L2HGDH: variants seen among roughly 807,000 people sequenced by gnomAD.
The protein encoded by L2HGDH is L-2-hydroxyglutarate dehydrogenase, mitochondrial.
In L2HGDH, 34 loss-of-function variants were observed where a neutral mutation model predicts 51.5. The ratio of observed to expected loss-of-function variants is 0.66; its 90% CI spans 0.50 to 0.88. L2HGDH has a LOEUF of 0.88. Among genes scored for constraint, L2HGDH ranks in the 40% least tolerant of loss-of-function variants. The pLI is 0.00. For synonymous variants in L2HGDH, 198 were observed against 197.9 expected (o/e 1.00, Z -0.01); for missense variants, 558 against 571.9 (o/e 0.98, Z 0.25).
At chr14:50,291,539 C>T (rs866379896) in intron 4 of L2HGDH, among the ~76,000 whole-genome samples, 6 of 152,102 alleles carry the variant, frequency 3.9e-5, no homozygotes, top group African/African-American at 1.2e-4. Context: ...TTGCTGGAGA[C>T]GAAGATGCTA....
chr14:50,295,928 G>A (rs1350177975), intron 3 of L2HGDH, among the ~76,000 whole-genome samples: 1 of 149,954 alleles, frequency 6.7e-6, no homozygotes, highest in Non-Finnish European at 1.5e-5. Flanking sequence ...CAGTAGAAAT[G>A]GGGTTTCACC....
chr14:50,278,555 C>A lies in L2HGDH; in HGVS notation c.704-1G>T. ...TTTATAACAATTGGATATTGCATTC[C>A]TGAAAAAAAAGAATAAGTGAAAAAT... On this transcript the variant is annotated splice_acceptor_variant, in intron 5 of 9. Coordinates refer to ENST00000267436, the MANE Select transcript of L2HGDH (RefSeq NM_024884.3). LOFTEE classifies it high-confidence loss of function. The A allele has an allele frequency of 7.1e-7, 1 of 1,416,320 alleles. No homozygotes were observed. Among genetic ancestry groups the A allele is most frequent in the Non-Finnish European group, 9.9e-7 (1 of 1,013,932 alleles). 87.7% of individuals were successfully genotyped at this position (1,416,320 alleles called of 1,614,324 possible). A position where few individuals can be genotyped will look rare whatever the true frequency, so the allele number is the denominator to read the frequency against.
intron 8 of L2HGDH, 132 bp downstream of exon 8, chr14:50,267,621 A>C: frequency 2.8e-6 from 2 of 705,254 alleles, no homozygotes; most frequent in Non-Finnish European, 4.8e-6. Context: ...TTTAATTTGG[A>C]TTAATACAAC....
rs183896286 is a variant in L2HGDH at position 50,271,545 on chromosome 14, A to G, written c.739-2215T>C. Among the ~76,000 whole-genome samples the G allele has an allele frequency of 2.0e-3, 302 of 152,366 alleles. 2 individuals are homozygous for G. The highest frequency in any genetic ancestry group is 6.9e-3 in the African/African-American group (289 of 41,598). On this transcript the variant is annotated intron_variant, in intron 6 of 9. Coordinates refer to ENST00000267436, the MANE Select transcript of L2HGDH (RefSeq NM_024884.3). The stretch of plus-strand genomic sequence containing the variant: ...CCATCAAATGATACATTAGTTCAAC[A>G]AAAATTTCTTTTAGGCTTGGCACGG...
chr14:50,290,078 A>ATTT (rs1192492401), intron 4 of L2HGDH, among the ~76,000 whole-genome samples: 4 of 152,256 alleles, frequency 2.6e-5, no homozygotes, highest in Admixed American at 6.5e-5. Flanking sequence ...ATCCTGGCTA[A>ATTT]CAAGGTGAAA....
chr14:50,289,151 T>C (rs1188014664), intron 4 of L2HGDH, among the ~76,000 whole-genome samples: 1 of 152,210 alleles, frequency 6.6e-6, no homozygotes, highest in East Asian at 1.9e-4. Context: ...TAGCATTTTT[T>C]TTCCTTGAAG....
At chr14:50,311,063 C>G (rs1190502756) in intron 1 of L2HGDH, among the ~76,000 whole-genome samples, 2 of 150,598 alleles carry the variant, frequency 1.3e-5, no homozygotes, top group African/African-American at 4.9e-5. Flanking sequence ...CCTAAGGCTC[C>G]GGAGTAGTTG....
In L2HGDH at chr14:50,312,006, C is replaced by T; in HGVS notation, c.140+5G>A. On this transcript the variant is annotated splice_donor_5th_base_variant and intron_variant, in intron 1 of 9. Coordinates refer to ENST00000267436, the MANE Select transcript of L2HGDH (RefSeq NM_024884.3). The stretch of plus-strand genomic sequence containing the variant: ...AGGCGGCGGGGAGGACCAGCGGCCA[C>T]TCACCTGGTGCTGGCGCTGCGGCTA... The T allele has an allele frequency of 3.2e-6, 5 of 1,560,080 alleles. No individual in the cohort carries two copies. The highest frequency in any genetic ancestry group is 4.3e-6 in the Non-Finnish European group (5 of 1,154,934).
chr14:50,309,323 G>C (rs1433437047), intron 1 of L2HGDH, among the ~76,000 whole-genome samples: 1 of 152,194 alleles, frequency 6.6e-6, no homozygotes, highest in Non-Finnish European at 1.5e-5. Context: ...AATACTTTGG[G>C]AGGCTGAGGC....
chr14:50,258,886 G>T (rs1888828652), intron 9 of L2HGDH, among the ~76,000 whole-genome samples: 1 of 151,624 alleles, frequency 6.6e-6, no homozygotes, highest in Admixed American at 6.6e-5. Flanking sequence ...CTGTTGTCCA[G>T]ACTGGAGTGC....
chr14:50,262,416 G>A (rs537806977), intron 9 of L2HGDH, among the ~76,000 whole-genome samples: 15 of 137,282 alleles, frequency 1.1e-4, no homozygotes, highest in African/African-American at 3.8e-4. Context: ...GCAACAGACC[G>A]AGACTCTGTC....
intron 8 of L2HGDH, among the ~76,000 whole-genome samples, chr14:50,266,469 C>T (rs1459299132): frequency 1.3e-5 from 2 of 151,986 alleles, no homozygotes; most frequent in African/African-American, 4.8e-5. Context: ...ATGGCGAAAC[C>T]CTGTCTCTAC....
intron 1 of L2HGDH, among the ~76,000 whole-genome samples, chr14:50,310,300 G>A (rs912109456): frequency 6.6e-6 from 1 of 151,876 alleles, no homozygotes; most frequent in Non-Finnish European, 1.5e-5. Context: ...AAACTTCTGG[G>A]CTCAAGTGAT....
intron 4 of L2HGDH, among the ~76,000 whole-genome samples, chr14:50,290,262 G>A (rs541439790): frequency 4.7e-4 from 71 of 151,376 alleles, no homozygotes; most frequent in Middle Eastern, 6.8e-3. Flanking sequence ...GTGAGACTCC[G>A]TCTCATAAAA....
At chr14:50,302,233 G>A (rs1339786027) in intron 2 of L2HGDH, 65 bp from the exon 3 acceptor site, 1 of 1,541,482 alleles carries the variant, frequency 6.5e-7, no homozygotes, top group East Asian at 2.2e-5. Context: ...AGAGGTAAGA[G>A]AACAAACTTA....
intron 4 of L2HGDH, among the ~76,000 whole-genome samples, chr14:50,288,847 T>C (rs1324333220): frequency 6.6e-6 from 1 of 152,250 alleles, no homozygotes; most frequent in Non-Finnish European, 1.5e-5. Flanking sequence ...GGTCAGCTCA[T>C]CAGAGTGCCT....
At chr14:50,302,256 T>C (rs1566539229) in intron 2 of L2HGDH, 88 bp from the exon 3 acceptor site, 5 of 1,353,754 alleles carry the variant, frequency 3.7e-6, no homozygotes, top group Non-Finnish European at 4.2e-6. Context: ...GTTGAAGCTA[T>C]TAGAGACCAC....
At chr14:50,290,584 G>A (rs781420359) in intron 4 of L2HGDH, among the ~76,000 whole-genome samples, 31 of 152,248 alleles carry the variant, frequency 2.0e-4, no homozygotes, top group Non-Finnish European at 3.7e-4. Flanking sequence ...GCTGTTTGGC[G>A]TTAAAACAGC....
At chr14:50,268,381 G>GAAAAA (rs769880130) in intron 7 of L2HGDH, among the ~76,000 whole-genome samples, 9 of 67,906 alleles carry the variant, frequency 1.3e-4, no homozygotes, top group Admixed American at 1.8e-4. Flanking sequence ...TCTGTCTCAG[G>GAAAAA]AAAAAAAAAA....
Sources: gnomAD v4.1 joint callset for allele counts (sites outside exome capture counted in the v4.1 genomes callset) on GRCh38, gnomAD v4.1.1 for gene constraint, MANE v1.5 for transcripts, NCBI Gene and HGNC (gene_info 2026-07-23, HGNC 2026-07-21) for gene names.